SLC24A2: variants seen among roughly 807,000 people sequenced by gnomAD.
SLC24A2 encodes the protein solute carrier family 24 member 2.
A neutral mutation model predicts 62.0 loss-of-function variants in SLC24A2; 36 were observed. The ratio of observed to expected loss-of-function variants is 0.58; its 90% CI spans 0.44 to 0.77. The LOEUF (loss-of-function observed/expected upper bound fraction) is 0.77. SLC24A2 is among the 30% of genes least tolerant of loss of function. The pLI, the probability that SLC24A2 is intolerant of heterozygous loss-of-function variation, is 0.00. For missense variants in SLC24A2, 846 were observed against 817.9 expected, an observed-to-expected ratio of 1.03 and a Z score of -0.42; for synonymous variants, 358 against 294.0, an observed-to-expected ratio of 1.22 and a Z score of -2.23.
chr9:19,549,928 C>G (rs1488419393), intron 8 of SLC24A2, among the ~76,000 whole-genome samples: 11 of 152,176 alleles, frequency 7.2e-5, no homozygotes, highest in South Asian at 2.1e-4. Context: ...TCAGAGAAAT[C>G]TGTATATTCT....
Position 19,684,346 on chromosome 9 carries a change from G to A in SLC24A2, c.931-62047C>T, listed in dbSNP as rs1461746517. 2.0e-5 allele frequency among the ~76,000 whole-genome samples: 3 copies of A among 152,024 alleles called. No homozygotes were observed. The East Asian group carries it at 5.8e-4, about 29-fold the overall frequency. On this transcript the variant is annotated intron_variant, in intron 2 of 10. Transcript: ENST00000341998. The stretch of plus-strand genomic sequence containing the variant: ...AAGGAAGTTCTTCTTCTAGAACTAG[G>A]GTAACATCCTTAAAGCAAACTTCCA...
the SLC24A2 span, among the ~76,000 whole-genome samples, chr9:20,034,440 T>C: frequency 6.7e-6 from 1 of 149,890 alleles, no homozygotes; most frequent in East Asian, 2.0e-4. Flanking sequence ...TTAAACACTC[T>C]GGCCTTTTAA....
At chr9:19,976,302 G>A in the SLC24A2 span, among the ~76,000 whole-genome samples, 1 of 152,238 alleles carries the variant, frequency 6.6e-6, no homozygotes, top group African/African-American at 2.4e-5. Flanking sequence ...TAATCCCCAT[G>A]TGTTGGAGGA....
chr9:20,049,699 T>C, the SLC24A2 span, among the ~76,000 whole-genome samples: 1 of 134,396 alleles, frequency 7.4e-6, no homozygotes, highest in Admixed American at 7.7e-5. Context: ...GATAAAATAT[T>C]TAAGAAATCA....
At chr9:19,991,111 C>G in the SLC24A2 span, among the ~76,000 whole-genome samples, 1 of 151,578 alleles carries the variant, frequency 6.6e-6, no homozygotes, top group Non-Finnish European at 1.5e-5. Context: ...CACAGGATCA[C>G]AAGGTGAAGT....
the SLC24A2 span, among the ~76,000 whole-genome samples, chr9:19,849,324 A>C: frequency 6.6e-6 from 1 of 152,220 alleles, no homozygotes; most frequent in Non-Finnish European, 1.5e-5. Context: ...ACACTTGTGA[A>C]ATGTCTCTGA....
chr9:19,995,634 C>T, the SLC24A2 span, among the ~76,000 whole-genome samples: 119 of 152,234 alleles, frequency 7.8e-4, no homozygotes, highest in Admixed American at 1.8e-3. Flanking sequence ...CACATTTAAA[C>T]TCTTTGACCT....
chr9:19,996,745 CAAAAAAAAAA>C, the SLC24A2 span, among the ~76,000 whole-genome samples: 14 of 66,680 alleles, frequency 2.1e-4, no homozygotes, highest in African/African-American at 7.2e-4. Context: ...GACTCCGTCT[CAAAAAAAAAA>C]AAAAAAAAAA....
chr9:20,079,392 AC>A, the SLC24A2 span, among the ~76,000 whole-genome samples: 1 of 152,172 alleles, frequency 6.6e-6, no homozygotes, highest in African/African-American at 2.4e-5. Flanking sequence ...TTTTTGCATT[AC>A]TTTTCTTGCA....
At chr9:19,693,870 A>C (rs571276104) in intron 2 of SLC24A2, among the ~76,000 whole-genome samples, 101 of 152,046 alleles carry the variant, frequency 6.6e-4, no homozygotes, top group South Asian at 2.1e-3. Flanking sequence ...TTGTTCATTA[A>C]CTAGAATTAA....
chr9:20,218,929 C>G, the SLC24A2 span, among the ~76,000 whole-genome samples: 1 of 152,034 alleles, frequency 6.6e-6, no homozygotes, highest in Non-Finnish European at 1.5e-5. Flanking sequence ...GGAACCCAAG[C>G]AGAATGATTT....
chr9:20,031,777 T>G, the SLC24A2 span, among the ~76,000 whole-genome samples: 1 of 152,130 alleles, frequency 6.6e-6, no homozygotes, highest in Non-Finnish European at 1.5e-5. Flanking sequence ...TTTTGGCACT[T>G]GTATCCAGAC....
the SLC24A2 span, among the ~76,000 whole-genome samples, chr9:20,262,787 C>G: frequency 6.6e-6 from 1 of 152,214 alleles, no homozygotes; most frequent in Non-Finnish European, 1.5e-5. Flanking sequence ...CCATTCTCTT[C>G]CCACTCTCTG....
At chr9:19,735,289 A>G (rs1261047396) in intron 2 of SLC24A2, among the ~76,000 whole-genome samples, 7 of 152,176 alleles carry the variant, frequency 4.6e-5, no homozygotes, top group African/African-American at 1.7e-4. Context: ...GAGAAATGCA[A>G]ATCAAAACCA....
chr9:19,758,680 T>A (rs1822220370), intron 2 of SLC24A2, among the ~76,000 whole-genome samples: 1 of 152,126 alleles, frequency 6.6e-6, no homozygotes, highest in Non-Finnish European at 1.5e-5. Context: ...GGGATTGGCT[T>A]TTGTAAGTGT....
chr9:19,975,899 T>TG, the SLC24A2 span, among the ~76,000 whole-genome samples: 1 of 143,324 alleles, frequency 7.0e-6, no homozygotes, highest in African/African-American at 2.6e-5. Flanking sequence ...TAAACATACG[T>TG]TTTTGTTTGT....
At chr9:20,182,478 C>T in the SLC24A2 span, among the ~76,000 whole-genome samples, 1 of 152,304 alleles carries the variant, frequency 6.6e-6, no homozygotes, top group Admixed American at 6.5e-5. Flanking sequence ...AATTCATGTC[C>T]TTTGCAGGAA....
At chr9:20,232,291 AAT>A in the SLC24A2 span, among the ~76,000 whole-genome samples, 1 of 152,104 alleles carries the variant, frequency 6.6e-6, no homozygotes, top group Admixed American at 6.5e-5. Context: ...TATTGATTGG[AAT>A]AGTTTCAGAA....
the SLC24A2 span, among the ~76,000 whole-genome samples, chr9:20,087,818 C>T: frequency 2.0e-5 from 3 of 151,676 alleles, no homozygotes; most frequent in Non-Finnish European, 3.0e-5. Context: ...ATCAAGAAAA[C>T]AACCCAACCC....
Sources: allele counts gnomAD v4.1 joint callset (sites outside exome capture counted in the v4.1 genomes callset), GRCh38; gene constraint gnomAD v4.1.1; transcripts MANE v1.5; gene names NCBI Gene and HGNC (gene_info 2026-07-23, HGNC 2026-07-21).